PRKN: variants seen among roughly 807,000 people sequenced by gnomAD.
The protein encoded by PRKN is E3 ubiquitin-protein ligase parkin.
PRKN carries 56 observed loss-of-function variants against 59.5 expected under a neutral mutation model. That is an observed-to-expected ratio of 0.94 (90% CI 0.76 to 1.18). PRKN has a LOEUF of 1.18. Ranked by LOEUF, PRKN falls within the 50% of genes most tolerant of loss-of-function variation. The pLI, the probability that PRKN is intolerant of heterozygous loss-of-function variation, is 0.00. For missense variants in PRKN, 657 were observed against 596.4 expected, an observed-to-expected ratio of 1.10 and a Z score of -1.06; for synonymous variants, 250 against 222.1, an observed-to-expected ratio of 1.13 and a Z score of -1.12.
intron 4 of PRKN, among the ~76,000 whole-genome samples, chr6:162,137,940 GC>G (rs1455010706): frequency 3.9e-5 from 6 of 152,202 alleles, no homozygotes; most frequent in African/African-American, 1.4e-4. Context: ...CTGAGGTAAT[GC>G]GGGACTGTGA....
chr6:162,716,462 G>A (rs775867008), intron 1 of PRKN, among the ~76,000 whole-genome samples: 5 of 152,136 alleles, frequency 3.3e-5, no homozygotes, highest in Admixed American at 6.5e-5. Flanking sequence ...AGTGTCTAAC[G>A]CTCATAGGGA....
At chr6:161,420,373 T>C (rs1427646414) in intron 9 of PRKN, among the ~76,000 whole-genome samples, 1 of 152,162 alleles carries the variant, frequency 6.6e-6, no homozygotes, top group Non-Finnish European at 1.5e-5. Context: ...CTTAAGCAGT[T>C]TTCAAAGGTG....
chr6:162,097,072 T>C (rs942343657), intron 4 of PRKN, among the ~76,000 whole-genome samples: 1 of 152,026 alleles, frequency 6.6e-6, no homozygotes, highest in African/African-American at 2.4e-5. Flanking sequence ...GAGACAGAGT[T>C]TCACCATGTT....
chr6:161,685,179 C>T lies in PRKN; in HGVS notation c.871+100593G>A, dbSNP rs149946280. ...TGACAGGTTTGCCAGTACTCTTGCTCGGCAGTTTTTTCTACTTCATCTGTT... is the reference window on the plus strand; with the variant it reads ...TGACAGGTTTGCCAGTACTCTTGCTTGGCAGTTTTTTCTACTTCATCTGTT... On this transcript the variant is annotated intron_variant, in intron 7 of 11. Transcript: ENST00000366898. Among the ~76,000 whole-genome samples the T allele has an allele frequency of 1.9e-3, 288 of 152,174 alleles. 1 individual carries two copies. The highest frequency in any genetic ancestry group is 6.3e-3 in the African/African-American group (262 of 41,522).
chr6:162,473,653 T>C (rs968046098), intron 1 of PRKN, among the ~76,000 whole-genome samples: 4 of 152,184 alleles, frequency 2.6e-5, no homozygotes, highest in African/African-American at 9.7e-5. Flanking sequence ...AAGATAGTGG[T>C]CATTCTTTTT....
intron 2 of PRKN, among the ~76,000 whole-genome samples, chr6:162,440,525 T>G (rs1247954813): frequency 2.0e-5 from 3 of 152,124 alleles, no homozygotes; most frequent in Non-Finnish European, 4.4e-5. Flanking sequence ...AACATATAAT[T>G]TTGTCCTGGA....
At chr6:161,882,206 C>T (rs886818521) in intron 6 of PRKN, among the ~76,000 whole-genome samples, 1 of 152,216 alleles carries the variant, frequency 6.6e-6, no homozygotes, top group Non-Finnish European at 1.5e-5. Flanking sequence ...AACAGCATCA[C>T]CTGTTATTCC....
intron 9 of PRKN, among the ~76,000 whole-genome samples, chr6:161,543,133 T>C (rs1779677034): frequency 6.6e-6 from 1 of 152,206 alleles, no homozygotes; most frequent in South Asian, 2.1e-4. Flanking sequence ...GTTAAATCTT[T>C]GAGTAAAAGG....
chr6:161,645,518 A>C (rs559651123), intron 7 of PRKN, among the ~76,000 whole-genome samples: 20 of 152,374 alleles, frequency 1.3e-4, no homozygotes, highest in Non-Finnish European at 2.6e-4. Flanking sequence ...ACGTTTATAA[A>C]ATGAAAATTC....
intron 7 of PRKN, among the ~76,000 whole-genome samples, chr6:161,631,795 C>CACA (rs1783324977): frequency 2.0e-5 from 2 of 101,060 alleles, no homozygotes; most frequent in African/African-American, 3.7e-5. Context: ...ACACACACAC[C>CACA]CCACACACAC....
chr6:162,324,946 CAAAAT>C (rs201217446), intron 2 of PRKN, among the ~76,000 whole-genome samples: 1 of 140,334 alleles, frequency 7.1e-6, no homozygotes, highest in African/African-American at 2.6e-5. Context: ...CAAAACAAAA[CAAAAT>C]TACTACTGTT....
At position 161,401,909 on chromosome 6, in the gene PRKN, C is replaced by A. The variant is rs1349352176; in HGVS notation, c.1084-15032G>T. 1.3e-5 allele frequency among the ~76,000 whole-genome samples: 2 copies of A among 152,122 alleles called. No individual in the cohort carries two copies. Among genetic ancestry groups the A allele is most frequent in the Non-Finnish European group, 2.9e-5 (2 of 68,026 alleles). On this transcript the variant is annotated intron_variant, in intron 9 of 11. Transcript: ENST00000366898. The surrounding 1 kb of genome is among the most constrained non-coding windows in gnomAD (Gnocchi z 4.4). ...AGGTCTGAGATGTTTGTTCACACAC[C>A]AATCTCTGGAGCGGAAGCCGTTAAT...
At chr6:161,782,216 C>A (rs925045441) in intron 7 of PRKN, among the ~76,000 whole-genome samples, 14 of 152,034 alleles carry the variant, frequency 9.2e-5, no homozygotes, top group African/African-American at 3.4e-4. Context: ...TTCAATAATG[C>A]TATATATTTT....
At position 161,581,837 on chromosome 6, in the gene PRKN, T is replaced by G. The variant is rs1781351928; in HGVS notation, c.872-12421A>C. Among the ~76,000 whole-genome samples, 1 of 152,152 alleles carries G rather than the reference T, an allele frequency of 6.6e-6. No homozygotes were observed. The highest frequency in any genetic ancestry group is 2.4e-5 in the African/African-American group (1 of 41,436). On this transcript the variant is annotated intron_variant, in intron 7 of 11. Coordinates refer to ENST00000366898, the MANE Select transcript of PRKN (RefSeq NM_004562.3). This position sits in a 1 kb window ranked among gnomAD's most constrained non-coding sequence, Gnocchi z 4.5. ...TAAGCTAGTGAGTTCTGACAAGGGC[T>G]CCTTTCCTGCTTCAGGTTTTATCAC...
rs1475950940 is a variant in PRKN at position 161,545,602 on chromosome 6, C to T, written c.1083+3252G>A. 6.6e-5 allele frequency among the ~76,000 whole-genome samples: 10 copies of T among 152,138 alleles called. No individual in the cohort carries two copies. In the East Asian group the frequency reaches 1.9e-3, roughly 29 times the overall value. On this transcript the variant is annotated intron_variant, in intron 9 of 11. Transcript: ENST00000366898. The surrounding 1 kb of genome is among the most constrained non-coding windows in gnomAD (Gnocchi z 4.1). ...AAGATGGGCAGCTTACAAGGTTATA[C>T]AAACCACAGCAAAACAACATGTATC...
intron 4 of PRKN, among the ~76,000 whole-genome samples, chr6:162,170,305 G>A (rs763870094): frequency 6.6e-6 from 1 of 152,156 alleles, no homozygotes; most frequent in Admixed American, 6.5e-5. Flanking sequence ...GTACAAATGG[G>A]ATTGCTCCGG....
intron 3 of PRKN, 59 bp downstream of exon 3, chr6:162,262,466 G>A (rs745420920): frequency 1.9e-6 from 3 of 1,603,784 alleles, no homozygotes; most frequent in Non-Finnish European, 2.6e-6. Context: ...CATGCTCCAT[G>A]CAGACTGCAC....
chr6:162,373,081 G>A (rs934416005), intron 2 of PRKN, among the ~76,000 whole-genome samples: 2 of 152,116 alleles, frequency 1.3e-5, no homozygotes, highest in African/African-American at 2.4e-5. Flanking sequence ...CTAAGACAGT[G>A]AGGAGAAAGT....
chr6:162,528,553 T>A (rs1350541126), intron 1 of PRKN, among the ~76,000 whole-genome samples: 2 of 152,172 alleles, frequency 1.3e-5, no homozygotes, highest in African/African-American at 4.8e-5. Flanking sequence ...TCTTATTTAG[T>A]GTAAATTTAA....
Sources: gnomAD v4.1 joint callset for allele counts (sites outside exome capture counted in the v4.1 genomes callset) on GRCh38, gnomAD v4.1.1 for gene constraint, Gnocchi (gnomAD v3.1) non-coding constraint, MANE v1.5 for transcripts, NCBI Gene and HGNC (gene_info 2026-07-23, HGNC 2026-07-21) for gene names.